The following UBOX5 variants were observed in gnomAD, a reference collection of about 807,000 sequenced individuals.
UBOX5 encodes the protein U-box domain containing 5.
A neutral mutation model predicts 39.0 loss-of-function variants in UBOX5; 28 were observed. The observed-to-expected ratio is 0.72, with a 90% confidence interval of 0.53 to 0.98. The LOEUF (loss-of-function observed/expected upper bound fraction) is 0.98, where lower values mean the gene tolerates loss of function less well. Ranked by LOEUF, UBOX5 falls within the 50% of genes least tolerant of loss-of-function variation. The probability of loss-of-function intolerance (pLI) is 0.00; values close to 1 mark genes in which losing one functional copy is unlikely to be tolerated. For synonymous variants in UBOX5, 283 were observed against 275.5 expected (o/e 1.03, Z -0.27); for missense variants, 585 against 674.4 (o/e 0.87, Z 1.47).
chr20:3,144,575 C>T (rs965945304), intron 1 of UBOX5, among the ~76,000 whole-genome samples: 2 of 152,132 alleles, frequency 1.3e-5, no homozygotes, highest in Non-Finnish European at 2.9e-5. Context: ...GCAATGGTTT[C>T]TTAAATATGA....
chr20:3,130,774 G>A lies in UBOX5; in HGVS notation c.-41-7368C>T, dbSNP rs1200742918. Among the ~76,000 whole-genome samples, 3 of 143,780 alleles carry A rather than the reference G, an allele frequency of 2.1e-5. No homozygotes were observed. In the South Asian group the frequency reaches 6.5e-4, roughly 31 times the overall value. 94.3% of individuals were successfully genotyped at this position (143,780 alleles called of 152,430 possible). ...TATTGATTTTAACACATTTTCAGTT[G>A]TTTTTGCTTTTTTTTTTTTTACAAT... On this transcript the variant is annotated intron_variant, in intron 1 of 4. Coordinates refer to ENST00000217173, the MANE Select transcript of UBOX5 (RefSeq NM_014948.4).
At chr20:3,128,168 C>A (rs1420437708) in intron 1 of UBOX5, among the ~76,000 whole-genome samples, 2 of 152,200 alleles carry the variant, frequency 1.3e-5, no homozygotes, top group Non-Finnish European at 2.9e-5. Flanking sequence ...TACAAATATC[C>A]TCAGAAGCCC....
At chr20:3,128,998 G>T (rs1410218974) in intron 1 of UBOX5, among the ~76,000 whole-genome samples, 1 of 152,152 alleles carries the variant, frequency 6.6e-6, no homozygotes, top group Non-Finnish European at 1.5e-5. Context: ...GAAAATCTTG[G>T]TATACCCTTA....
At chr20:3,127,427 C>T (rs2066399646) in intron 1 of UBOX5, among the ~76,000 whole-genome samples, 1 of 152,198 alleles carries the variant, frequency 6.6e-6, no homozygotes, top group South Asian at 2.1e-4. Context: ...TAGCCCCTAA[C>T]TCAGTTTTAC....
chr20:3,130,716 TTTACTA>T (rs1219821961), intron 1 of UBOX5, among the ~76,000 whole-genome samples: 1 of 152,156 alleles, frequency 6.6e-6, no homozygotes, highest in Admixed American at 6.5e-5. Flanking sequence ...CTTTGGTATC[TTTACTA>T]TATGTTCAGC....
At chr20:3,143,097 CTTTTT>C (rs35450698) in intron 1 of UBOX5, among the ~76,000 whole-genome samples, 3 of 72,470 alleles carry the variant, frequency 4.1e-5, no homozygotes, top group Admixed American at 1.9e-4. Flanking sequence ...AATCATCTGT[CTTTTT>C]TTTTTTTTTT....
At chr20:3,140,792 G>C (rs1306688069) in intron 1 of UBOX5, among the ~76,000 whole-genome samples, 1 of 151,664 alleles carries the variant, frequency 6.6e-6, no homozygotes, top group Admixed American at 6.6e-5. Flanking sequence ...GATGCTTAAG[G>C]TTTGGGGTAC....
chr20:3,113,083 G>A (rs538102622), intron 4 of UBOX5, among the ~76,000 whole-genome samples: 1 of 149,316 alleles, frequency 6.7e-6, no homozygotes, highest in South Asian at 2.1e-4. Flanking sequence ...AGACCAGCCT[G>A]GCCAACATGG....
intron 1 of UBOX5, chr20:3,150,481 T>C (rs1201329738): frequency 1.3e-5 from 2 of 152,186 alleles, no homozygotes; most frequent in Non-Finnish European, 2.9e-5. Flanking sequence ...GACTATGAAA[T>C]TGATTCTGCT....
chr20:3,110,096 G>T lies in UBOX5; in HGVS notation c.*10C>A. 1 of 1,610,196 alleles carries T rather than the reference G, an allele frequency of 6.2e-7. No homozygotes were observed. Among genetic ancestry groups the T allele is most frequent in the Non-Finnish European group, 8.5e-7 (1 of 1,179,988 alleles). The stretch of plus-strand genomic sequence containing the variant: ...CCAGCAATGGGTCTCCTCCAGTGGA[G>T]GTCAGTCACTCAGAAGTGGACCCGC... On this transcript the variant is annotated 3_prime_UTR_variant, in exon 5 of 5. Coordinates refer to ENST00000217173, the MANE Select transcript of UBOX5 (RefSeq NM_014948.4).
chr20:3,146,045 C>CAAAAAAAAAAAAAAAAAA (rs58783186), intron 1 of UBOX5, among the ~76,000 whole-genome samples: 1 of 102,330 alleles, frequency 9.8e-6, no homozygotes, highest in African/African-American at 3.6e-5. Context: ...GACTCCGTCT[C>CAAAAAAAAAAAAAAAAAA]AAAAAAAAAA....
chr20:3,124,766 AGCC>A (rs2066365961), intron 1 of UBOX5, among the ~76,000 whole-genome samples: 1 of 100,476 alleles, frequency 1.0e-5, no homozygotes, highest in African/African-American at 3.8e-5. Flanking sequence ...GCCTCTGCCC[AGCC>A]GCCACCCCGT....
chr20:3,139,965 C>T (rs971479276), intron 1 of UBOX5, among the ~76,000 whole-genome samples: 3 of 151,406 alleles, frequency 2.0e-5, no homozygotes, highest in Non-Finnish European at 2.9e-5. Context: ...ACTTGGGCCT[C>T]CCAAAATGCT....
intron 1 of UBOX5, among the ~76,000 whole-genome samples, chr20:3,144,528 A>C (rs970154389): frequency 5.3e-5 from 8 of 152,242 alleles, no homozygotes; most frequent in Non-Finnish European, 7.3e-5. Flanking sequence ...AACTATGAGA[A>C]AAGACATAGG....
intron 3 of UBOX5, among the ~76,000 whole-genome samples, chr20:3,116,132 C>G (rs1310980161): frequency 2.0e-5 from 3 of 152,110 alleles, no homozygotes; most frequent in Admixed American, 2.0e-4. Flanking sequence ...CTGCTCCCTG[C>G]CCCCCATTCC....
intron 3 of UBOX5, among the ~76,000 whole-genome samples, chr20:3,119,010 C>T (rs1023439669): frequency 2.6e-5 from 4 of 152,082 alleles, no homozygotes; most frequent in Admixed American, 6.6e-5. Flanking sequence ...TCTGTGTTCT[C>T]GAACTAAGAA....
chr20:3,147,503 A>G (rs766843458), intron 1 of UBOX5: 17 of 1,614,112 alleles, frequency 1.1e-5, no homozygotes, highest in Non-Finnish European at 1.3e-5. Context: ...TGGACACTCA[A>G]TGCCAACTGT....
At chr20:3,143,272 T>A (rs1423591357) in intron 1 of UBOX5, among the ~76,000 whole-genome samples, 1 of 151,724 alleles carries the variant, frequency 6.6e-6, no homozygotes, top group Non-Finnish European at 1.5e-5. Flanking sequence ...CTGGCTAATT[T>A]TTGCATTTTT....
At chr20:3,111,175 T>C (rs894998664) in intron 4 of UBOX5, among the ~76,000 whole-genome samples, 4 of 152,218 alleles carry the variant, frequency 2.6e-5, no homozygotes, top group African/African-American at 9.6e-5. Context: ...CCTTTCCTCA[T>C]GGCCCCTCTG....
Sources: gnomAD v4.1 joint callset for allele counts (sites outside exome capture counted in the v4.1 genomes callset) on GRCh38, gnomAD v4.1.1 for gene constraint, MANE v1.5 for transcripts, NCBI Gene and HGNC (gene_info 2026-07-23, HGNC 2026-07-21) for gene names.